The following CTPS1 variants were observed in gnomAD, a reference collection of about 807,000 sequenced individuals.
CTPS1 encodes the protein CTP synthase 1, also known as CTP synthetase 1.
In CTPS1, 25 loss-of-function variants were observed where a neutral mutation model predicts 80.5. The observed-to-expected ratio is 0.31, with a 90% CI of 0.23 to 0.43. The LOEUF (loss-of-function observed/expected upper bound fraction) is 0.43. Ranked by LOEUF, CTPS1 falls within the 20% of genes least tolerant of loss-of-function variation. CTPS1 has a pLI of 1.00. For synonymous variants in CTPS1, 267 were observed against 252.5 expected (o/e 1.06, Z -0.54); for missense variants, 442 against 725.7 (o/e 0.61, Z 4.49).
intron 3 of CTPS1, 65 bp from the exon 4 acceptor site, chr1:40,987,307 G>A: frequency 8.5e-7 from 1 of 1,170,166 alleles, no homozygotes; most frequent in Middle Eastern, 1.9e-4. Flanking sequence ...TTCACAGTAA[G>A]TGCATTTGTC....
chr1:41,007,820 A>G lies in CTPS1; in HGVS notation c.1393+275A>G, dbSNP rs545910477. 1.3e-5 allele frequency among the ~76,000 whole-genome samples: 2 copies of G among 152,290 alleles called. No individual in the cohort carries two copies. The highest frequency in any genetic ancestry group is 2.9e-5 in the Non-Finnish European group (2 of 68,036). ...AGGCAGTGAGGTTACATTCATCCTT[A>G]TCGGTTACTTTCCTATTAAGACCAG... is the stretch of plus-strand genomic sequence containing the variant. On this transcript the variant is annotated intron_variant, in intron 14 of 18. Coordinates refer to ENST00000650070, the MANE Select transcript of CTPS1 (RefSeq NM_001905.4). This position sits in a 1 kb window ranked among gnomAD's most constrained non-coding sequence, Gnocchi z 4.4.
At chr1:40,982,432 C>A (rs1441543882) in intron 1 of CTPS1, among the ~76,000 whole-genome samples, 1 of 151,508 alleles carries the variant, frequency 6.6e-6, no homozygotes, top group Non-Finnish European at 1.5e-5. Context: ...TTCTGTCGCG[C>A]ACGCTGGAGT....
intron 3 of CTPS1, among the ~76,000 whole-genome samples, chr1:40,987,100 C>T (rs1031750670): frequency 5.3e-5 from 8 of 152,176 alleles, no homozygotes; most frequent in African/African-American, 1.2e-4. Context: ...AGACTCTGCA[C>T]AGGGGCACGT....
chr1:41,002,303 G>A, intron 11 of CTPS1, 49 bp downstream of exon 11: 1 of 1,481,844 alleles, frequency 6.7e-7, no homozygotes, highest in Non-Finnish European at 9.4e-7. Context: ...GAAAGAGTGG[G>A]GAACGGTGCC....
At chr1:41,005,882 C>CAA (rs1643021316) in intron 12 of CTPS1, among the ~76,000 whole-genome samples, 169 bp from the exon 13 acceptor site, 3 of 152,134 alleles carry the variant, frequency 2.0e-5, no homozygotes, top group Admixed American at 2.0e-4. Flanking sequence ...CCAGCCTGGA[C>CAA]AACAGTGAGA....
intron 7 of CTPS1, among the ~76,000 whole-genome samples, chr1:40,993,155 A>G (rs1193317801): frequency 6.6e-6 from 1 of 151,952 alleles, no homozygotes; most frequent in East Asian, 1.9e-4. Context: ...GGTTCAAGTG[A>G]TTCTCCTGCC....
chr1:40,992,663 T>G lies in CTPS1; in HGVS notation c.720+818T>G, dbSNP rs1386287412. On this transcript the variant is annotated intron_variant, in intron 7 of 18. Coordinates refer to ENST00000650070, the MANE Select transcript of CTPS1 (RefSeq NM_001905.4). ...AAATTCAATTCTGTAGCAGAATAGG[T>G]TGTCATTAAAATTGTTCAATTTTTT... Among the ~76,000 whole-genome samples, 4 of 151,366 alleles carry G rather than the reference T, an allele frequency of 2.6e-5. No homozygotes were observed. In the Admixed American group the frequency reaches 2.6e-4, roughly 10 times the overall value.
At chr1:40,991,285 T>C (rs770943617) in intron 6 of CTPS1, 37 bp downstream of exon 6, 87 of 1,453,424 alleles carry the variant, frequency 6.0e-5, no homozygotes, top group Non-Finnish European at 8.2e-5. Context: ...GTGTAATCTT[T>C]TATGTCTAGT....
chr1:41,001,089 G>A lies in CTPS1; in HGVS notation c.1066G>A (p.Glu356Lys), dbSNP rs1176322200. 6.2e-7 allele frequency: 1 copy of A among 1,612,252 alleles called. No homozygotes were observed. Among genetic ancestry groups the A allele is most frequent in the South Asian group, 1.1e-5 (1 of 90,802 alleles). ...TSQEEPVRYHEAWQKLCSAHG... is the reference protein window; with the variant it reads ...TSQEEPVRYHKAWQKLCSAHG... ...GCAAGAAGAGCCCGTGCGCTACCAC[G>A]AAGCTTGGCAGAAGCTCTGTAGTGC... Residue 356 changes from glutamate to lysine, a missense_variant, in exon 10 of 19, where the codon GAA (glutamate) becomes AAA (lysine). Transcript: ENST00000650070.
intron 4 of CTPS1, 129 bp downstream of exon 4, chr1:40,987,601 A>G: frequency 1.7e-6 from 1 of 583,250 alleles, no homozygotes; most frequent in Non-Finnish European, 3.0e-6. Context: ...GCAATGTGGC[A>G]GGTAAGGGCA....
intron 10 of CTPS1, among the ~76,000 whole-genome samples, chr1:41,001,366 A>AT (rs937464565): frequency 2.6e-5 from 4 of 152,110 alleles, no homozygotes; most frequent in African/African-American, 4.8e-5. Context: ...TCATTTAAGG[A>AT]TTTTTCATCC....
At chr1:40,982,573 A>G (rs552017684) in intron 1 of CTPS1, among the ~76,000 whole-genome samples, 2 of 152,100 alleles carry the variant, frequency 1.3e-5, no homozygotes, top group Non-Finnish European at 2.9e-5. Flanking sequence ...TATTTTTAGT[A>G]GAGATGCGGT....
At chr1:41,005,983 C>A in intron 12 of CTPS1, 68 bp from the exon 13 acceptor site, 4 of 1,279,570 alleles carry the variant, frequency 3.1e-6, no homozygotes, top group Non-Finnish European at 4.6e-6. Context: ...GTGTTTAGAG[C>A]TTAGCAATGA....
chr1:40,996,400 G>A (rs960868936), intron 8 of CTPS1, among the ~76,000 whole-genome samples: 9 of 152,160 alleles, frequency 5.9e-5, no homozygotes, highest in African/African-American at 1.2e-4. Flanking sequence ...AAGCCCACAC[G>A]AATGGCTGAC....
intron 1 of CTPS1, chr1:40,981,152 C>T (rs532803754): frequency 3.3e-5 from 5 of 152,302 alleles, no homozygotes; most frequent in Admixed American, 2.6e-4. Flanking sequence ...TTCATCTCTC[C>T]AACTGGACTG....
chr1:41,002,849 A>G (rs771859000), intron 11 of CTPS1, among the ~76,000 whole-genome samples: 2 of 152,152 alleles, frequency 1.3e-5, no homozygotes, highest in Admixed American at 6.5e-5. Flanking sequence ...GTCTGGGGGG[A>G]AAAAAGTACT....
At chr1:40,984,085 A>G (rs1171019209) in intron 2 of CTPS1, among the ~76,000 whole-genome samples, 1 of 152,240 alleles carries the variant, frequency 6.6e-6, no homozygotes, top group East Asian at 1.9e-4. Flanking sequence ...TGCAAGCATT[A>G]AATGTCACTA....
intron 1 of CTPS1, chr1:40,982,070 C>A: frequency 8.8e-7 from 1 of 1,136,744 alleles, no homozygotes; most frequent in Non-Finnish European, 1.2e-6. Context: ...AATGGACGAT[C>A]CTGGACCTCT....
rs373379365 is a variant in CTPS1, at chr1:41,007,477, G to A, written c.1325G>A (p.Gly442Glu). 3.7e-6 allele frequency: 6 copies of A among 1,614,118 alleles called. No individual in the cohort carries two copies. The highest frequency in any genetic ancestry group is 2.2e-5 in the South Asian group (2 of 91,080). ...GTAGACATGCCAGAACACAACCCAGGGCAGATGGGCGGAACCATGAGGCTG... is the reference window on the plus strand; with the variant it reads ...GTAGACATGCCAGAACACAACCCAGAGCAGATGGGCGGAACCATGAGGCTG... ...VVVDMPEHNPGQMGGTMRLGK... is the reference protein window; with the variant it reads ...VVVDMPEHNPEQMGGTMRLGK... The change falls in exon 14 of 19, where the codon GGG becomes GAG. Residue 442 changes from glycine to glutamate, a missense_variant. Coordinates refer to ENST00000650070, the MANE Select transcript of CTPS1 (RefSeq NM_001905.4). This position sits in a 1 kb window ranked among gnomAD's most constrained non-coding sequence, Gnocchi z 4.4.
Sources: allele counts gnomAD v4.1 joint callset (sites outside exome capture counted in the v4.1 genomes callset), GRCh38; gene constraint gnomAD v4.1.1; non-coding constraint Gnocchi (gnomAD v3.1); transcripts MANE v1.5; gene names NCBI Gene and HGNC (gene_info 2026-07-23, HGNC 2026-07-21).